Variants in HYCC1 observed in about 807,000 individuals in gnomAD.
HYCC1 encodes the protein hyccin PI4KA lipid kinase complex subunit 1, also known as hyccin.
the HYCC1 span, among the ~76,000 whole-genome samples, chr7:22,982,823 G>A: frequency 6.8e-6 from 1 of 147,634 alleles, no homozygotes; most frequent in African/African-American, 2.4e-5. Flanking sequence ...GGCCCACCAT[G>A]GTTATGTCCT....
chr7:22,961,176 T>C, the HYCC1 span: 1 of 1,105,398 alleles, frequency 9.0e-7, no homozygotes, highest in East Asian at 2.4e-5. Context: ...TCTCAATTTA[T>C]AGTTCTAAAT....
At chr7:22,997,489 A>G in the HYCC1 span, among the ~76,000 whole-genome samples, 1 of 152,212 alleles carries the variant, frequency 6.6e-6, no homozygotes, top group Non-Finnish European at 1.5e-5. Flanking sequence ...CCATTGCTGT[A>G]GTTAAATTAA....
chr7:23,005,431 G>A, the HYCC1 span, among the ~76,000 whole-genome samples: 1 of 152,100 alleles, frequency 6.6e-6, no homozygotes. Context: ...TTAATCATTT[G>A]GACAATTGAG....
the HYCC1 span, among the ~76,000 whole-genome samples, chr7:22,927,440 A>G: frequency 1.3e-5 from 2 of 152,216 alleles, no homozygotes; most frequent in Admixed American, 1.3e-4. Context: ...ACTGCTAGCA[A>G]GACTAATAAA....
At chr7:22,930,334 GAAGTAT>G in the HYCC1 span, among the ~76,000 whole-genome samples, 1 of 83,106 alleles carries the variant, frequency 1.2e-5, no homozygotes, top group African/African-American at 4.8e-5. Flanking sequence ...CTAAAACTTA[GAAGTAT>G]AATAATTAAA....
At chr7:22,945,644 T>C in the HYCC1 span, 1 of 1,613,766 alleles carries the variant, frequency 6.2e-7, no homozygotes, top group Non-Finnish European at 8.5e-7. Context: ...ACCTGATTGA[T>C]GCTTCATTGG....
At chr7:22,933,531 G>A in the HYCC1 span, among the ~76,000 whole-genome samples, 1 of 151,642 alleles carries the variant, frequency 6.6e-6, no homozygotes, top group African/African-American at 2.4e-5. Context: ...TAGCACTTTG[G>A]ATCCTTTTAT....
At chr7:22,946,802 A>G in the HYCC1 span, 1 of 582,482 alleles carries the variant, frequency 1.7e-6, no homozygotes. Context: ...TTACTCAAAG[A>G]CGATAAAGGT....
chr7:22,946,307 T>C, the HYCC1 span: 5 of 676,052 alleles, frequency 7.4e-6, no homozygotes, highest in African/African-American at 9.1e-5. Flanking sequence ...AATCAAAGGA[T>C]AAATCAAAAC....
chr7:22,988,358 C>T, the HYCC1 span, among the ~76,000 whole-genome samples: 3 of 152,170 alleles, frequency 2.0e-5, no homozygotes, highest in African/African-American at 7.2e-5. Flanking sequence ...TTCACTCTCT[C>T]CTCCTAAAGG....
At chr7:22,948,366 G>C in the HYCC1 span, among the ~76,000 whole-genome samples, 1 of 152,054 alleles carries the variant, frequency 6.6e-6, no homozygotes, top group Non-Finnish European at 1.5e-5. Flanking sequence ...AAGAACAAAG[G>C]CCAGAGCCAC....
At chr7:22,964,610 T>G in the HYCC1 span, 9 of 771,596 alleles carry the variant, frequency 1.2e-5, no homozygotes, top group African/African-American at 1.4e-4. Context: ...AAGCCAACAA[T>G]GTACTAGGTA....
At chr7:22,955,533 G>C in the HYCC1 span, among the ~76,000 whole-genome samples, 1 of 151,590 alleles carries the variant, frequency 6.6e-6, no homozygotes, top group Non-Finnish European at 1.5e-5. Flanking sequence ...AACTTAATTA[G>C]GGGACTTTTA....
the HYCC1 span, among the ~76,000 whole-genome samples, chr7:22,919,510 C>T: frequency 1.3e-5 from 2 of 151,474 alleles, no homozygotes; most frequent in African/African-American, 2.4e-5. Flanking sequence ...GCCTGGAAAA[C>T]AGAGGAAGAT....
the HYCC1 span, among the ~76,000 whole-genome samples, chr7:22,956,429 A>T: frequency 2.6e-5 from 4 of 151,684 alleles, no homozygotes; most frequent in African/African-American, 9.7e-5. Flanking sequence ...CACAAAGTTT[A>T]AAAAATTTGA....
the HYCC1 span, among the ~76,000 whole-genome samples, chr7:22,928,039 A>G: frequency 1.3e-5 from 2 of 152,234 alleles, no homozygotes; most frequent in Non-Finnish European, 2.9e-5. Flanking sequence ...ATATACGAAA[A>G]TCAATAAACG....
the HYCC1 span, among the ~76,000 whole-genome samples, chr7:23,007,016 A>G: frequency 1.3e-5 from 2 of 152,212 alleles, no homozygotes; most frequent in Non-Finnish European, 2.9e-5. Flanking sequence ...ATTAAAATGT[A>G]AATTATATTA....
chr7:22,927,095 C>G, the HYCC1 span, among the ~76,000 whole-genome samples: 5,044 of 152,126 alleles, frequency 0.033, 277 homozygotes, highest in African/African-American at 0.11. Context: ...GGATACATAA[C>G]GAAATGAAGG....
the HYCC1 span, among the ~76,000 whole-genome samples, chr7:22,901,221 CAAA>C: frequency 2.5e-3 from 53 of 21,518 alleles, no homozygotes; most frequent in African/African-American, 0.011. Flanking sequence ...GACCCTGTCT[CAAA>C]AAAAAAAAAA....
Sources: allele counts gnomAD v4.1 joint callset (sites outside exome capture counted in the v4.1 genomes callset), GRCh38; gene constraint gnomAD v4.1.1; transcripts MANE v1.5; gene names NCBI Gene and HGNC (gene_info 2026-07-23, HGNC 2026-07-21).